HS3ST1: variants seen among roughly 807,000 people sequenced by gnomAD.
HS3ST1 encodes heparan sulfate-glucosamine 3-sulfotransferase 1, also known as heparan sulfate glucosamine 3-O-sulfotransferase 1.
HS3ST1 carries 8 observed loss-of-function variants against 20.7 expected under a neutral mutation model. That is an observed-to-expected ratio of 0.39 (90% confidence interval 0.23 to 0.70). The LOEUF (loss-of-function observed/expected upper bound fraction) is 0.70, where lower values mean the gene tolerates loss of function less well. Among genes scored for constraint, HS3ST1 ranks in the 30% least tolerant of loss-of-function variants. The pLI, the probability that HS3ST1 is intolerant of heterozygous loss-of-function variation, is 0.46. For missense variants in HS3ST1, 436 were observed against 423.4 expected (o/e 1.03, Z -0.26); for synonymous variants, 205 against 190.4 (o/e 1.08, Z -0.63).
intron 1 of HS3ST1, among the ~76,000 whole-genome samples, chr4:11,426,454 G>T (rs1012811930): frequency 1.7e-5 from 2 of 114,738 alleles, no homozygotes; most frequent in African/African-American, 6.6e-5. Flanking sequence ...GGGGGACCCA[G>T]GGGGGGGGCT....
upstream of HS3ST1, among the ~76,000 whole-genome samples, chr4:11,430,110 C>T (rs1215490368): frequency 6.6e-6 from 1 of 152,158 alleles, no homozygotes; most frequent in Non-Finnish European, 1.5e-5. Flanking sequence ...CCCTTTAACT[C>T]ATACACAGAT....
rs906763618 is a variant in HS3ST1 at position 11,395,552 on chromosome 4, C to G, written c.*3530G>C. ...GAGTGCAGTGGCATCATCTCGGCCCCCTGCAACCTCCACCTGCCAGGTTCA... is the reference window on the plus strand; with the variant it reads ...GAGTGCAGTGGCATCATCTCGGCCCGCTGCAACCTCCACCTGCCAGGTTCA... On this transcript the variant is annotated 3_prime_UTR_variant, in exon 2 of 2. Transcript: ENST00000002596. 6.7e-6 allele frequency: 1 copy of G among 149,492 alleles called. No individual in the cohort carries two copies. Among genetic ancestry groups the G allele is most frequent in the African/African-American group, 2.5e-5 (1 of 40,282 alleles). 9.3% of individuals were successfully genotyped at this position (149,492 alleles called of 1,614,324 possible).
intron 1 of HS3ST1, among the ~76,000 whole-genome samples, chr4:11,425,627 A>G (rs1320596317): frequency 6.6e-6 from 1 of 152,202 alleles, no homozygotes; most frequent in East Asian, 1.9e-4. Flanking sequence ...ACATATGCAA[A>G]CTATGATTAA....
intron 1 of HS3ST1, among the ~76,000 whole-genome samples, chr4:11,415,186 G>A (rs978681466): frequency 2.6e-5 from 4 of 152,226 alleles, no homozygotes; most frequent in African/African-American, 9.7e-5. Flanking sequence ...CTAATGTCCA[G>A]GCTAAAGTAT....
intron 1 of HS3ST1, among the ~76,000 whole-genome samples, chr4:11,426,983 C>T (rs1015211600): frequency 3.9e-5 from 6 of 152,180 alleles, no homozygotes; most frequent in African/African-American, 7.2e-5. Context: ...TCTAATTGCA[C>T]CCAGTGTTAC....
intron 1 of HS3ST1, 121 bp from the exon 2 acceptor site, chr4:11,400,234 T>A: frequency 1.2e-6 from 1 of 821,196 alleles, no homozygotes; most frequent in Non-Finnish European, 1.7e-6. Context: ...CAGTTTCTTA[T>A]CCTATACAGG....
Position 11,399,107 on chromosome 4 carries a change from A to T in HS3ST1, c.899T>A (p.Val300Asp). The T allele has an allele frequency of 6.2e-7, 1 of 1,613,030 alleles. No individual in the cohort carries two copies. Among genetic ancestry groups the T allele is most frequent in the Non-Finnish European group, 8.5e-7 (1 of 1,179,102 alleles). ...HEPNKKFFEL[V>D]GRTFDWH The stretch of plus-strand genomic sequence containing the variant: ...TCAGTGCCAGTCAAATGTTCTGCCA[A>T]CAAGCTCGAAGAACTTCTTATTTGG... The change falls in exon 2 of 2, where the codon GTT (valine) becomes GAT (aspartate). Residue 300 changes from valine (V) to aspartate (D), a missense_variant. Transcript: ENST00000002596. The surrounding 1 kb of genome is among the most constrained non-coding windows in gnomAD (Gnocchi z 5.1).
chr4:11,408,811 G>C (rs1209717878), intron 1 of HS3ST1, among the ~76,000 whole-genome samples: 1 of 152,198 alleles, frequency 6.6e-6, no homozygotes, highest in African/African-American at 2.4e-5. Flanking sequence ...CAGGACCTGG[G>C]CTGCCTTGGG....
chr4:11,405,232 C>T (rs1718433291), intron 1 of HS3ST1, among the ~76,000 whole-genome samples: 1 of 152,148 alleles, frequency 6.6e-6, no homozygotes, highest in Non-Finnish European at 1.5e-5. Context: ...CATTTACTTC[C>T]CTTTATCAGG....
Position 11,395,293 on chromosome 4 carries a change from A to G in HS3ST1, c.*3789T>C. On this transcript the variant is annotated 3_prime_UTR_variant, in exon 2 of 2. Transcript: ENST00000002596. ...CTCTGGGAAGATTCTCTATTTCTTA[A>G]TATTTCTGAGAAATGACATTCTGGA... is the stretch of plus-strand genomic sequence containing the variant. 1 of 151,784 alleles carries G rather than the reference A, an allele frequency of 6.6e-6. No homozygotes were observed. The highest frequency in any genetic ancestry group is 1.5e-5 in the Non-Finnish European group (1 of 67,966). 9.4% of individuals were successfully genotyped at this position (151,784 alleles called of 1,614,324 possible).
At chr4:11,408,389 T>G (rs1045725577) in intron 1 of HS3ST1, among the ~76,000 whole-genome samples, 7 of 152,128 alleles carry the variant, frequency 4.6e-5, no homozygotes, top group African/African-American at 1.4e-4. Flanking sequence ...GGGATGATAA[T>G]TAGTCAAACA....
upstream of HS3ST1, among the ~76,000 whole-genome samples, chr4:11,433,960 T>C (rs938633531): frequency 1.3e-5 from 2 of 152,228 alleles, no homozygotes; most frequent in Admixed American, 1.3e-4. Flanking sequence ...ACTCTCAACT[T>C]CAATCAGCAC....
rs1314246884 is a variant in HS3ST1, at chr4:11,395,408, CCTTT to C, written c.*3670_*3673del. 1 of 150,804 alleles carries C rather than the reference CCTTT, an allele frequency of 6.6e-6. No individual in the cohort carries two copies. Among genetic ancestry groups the C allele is most frequent in the East Asian group, 1.9e-4 (1 of 5,154 alleles). 9.3% of individuals were successfully genotyped at this position (150,804 alleles called of 1,614,324 possible). ...CTATTTCCCTGGAGTGAGCAAGAAT[CCTTT>C]CTTCTGAAAAAAATGACTTGAAGTC... is the stretch of plus-strand genomic sequence containing the variant. On this transcript the variant is annotated 3_prime_UTR_variant, in exon 2 of 2. Coordinates refer to ENST00000002596, the MANE Select transcript of HS3ST1 (RefSeq NM_005114.4).
intron 1 of HS3ST1, among the ~76,000 whole-genome samples, chr4:11,423,085 A>G (rs903318302): frequency 2.6e-5 from 4 of 151,360 alleles, no homozygotes; most frequent in Non-Finnish European, 1.5e-5. Context: ...TGAAAACTCA[A>G]CAATTAAGGC....
chr4:11,426,044 C>CT (rs1486503784), intron 1 of HS3ST1, among the ~76,000 whole-genome samples: 1 of 152,200 alleles, frequency 6.6e-6, no homozygotes, highest in Admixed American at 6.5e-5. Flanking sequence ...ACAACTGTCT[C>CT]TAACACAGGG....
chr4:11,402,581 G>A (rs1449080906), intron 1 of HS3ST1, among the ~76,000 whole-genome samples: 1 of 151,858 alleles, frequency 6.6e-6, no homozygotes, highest in African/African-American at 2.4e-5. Context: ...ATGCATGCAT[G>A]TGTGTGTGTG....
At chr4:11,429,471 A>G (rs1273971406), upstream of HS3ST1, 1 of 152,326 alleles carries the variant, frequency 6.6e-6, no homozygotes, top group African/African-American at 2.4e-5. Flanking sequence ...AGGAGGTGCC[A>G]TCCTCTCCAA....
At chr4:11,424,547 A>G (rs963793893) in intron 1 of HS3ST1, among the ~76,000 whole-genome samples, 1 of 152,154 alleles carries the variant, frequency 6.6e-6, no homozygotes, top group African/African-American at 2.4e-5. Context: ...CTTGAAGACT[A>G]TGGGTTGCCT....
At chr4:11,417,892 C>T (rs1718826796) in intron 1 of HS3ST1, among the ~76,000 whole-genome samples, 1 of 152,146 alleles carries the variant, frequency 6.6e-6, no homozygotes, top group South Asian at 2.1e-4. Flanking sequence ...GTAATTGTTG[C>T]CCAAAGGCAA....
Sources: gnomAD v4.1 joint callset for allele counts (sites outside exome capture counted in the v4.1 genomes callset) on GRCh38, gnomAD v4.1.1 for gene constraint, Gnocchi (gnomAD v3.1) non-coding constraint, MANE v1.5 for transcripts, NCBI Gene and HGNC (gene_info 2026-07-23, HGNC 2026-07-21) for gene names.